Variants in PREX2 observed in about 807,000 individuals in gnomAD.
The protein encoded by PREX2 is phosphatidylinositol-3,4,5-trisphosphate dependent Rac exchange factor 2.
PREX2 carries 107 observed loss-of-function variants against 203.2 expected under a neutral mutation model. The ratio of observed to expected loss-of-function variants is 0.53; its 90% CI spans 0.45 to 0.62. The LOEUF (loss-of-function observed/expected upper bound fraction) is 0.62. PREX2 is among the 20% of genes least tolerant of loss of function. The pLI, the probability that PREX2 is intolerant of heterozygous loss-of-function variation, is 0.00. For synonymous variants in PREX2, 672 were observed against 663.6 expected, an observed-to-expected ratio of 1.01 and a Z score of -0.19; for missense variants, 1,777 against 1,955.9, an observed-to-expected ratio of 0.91 and a Z score of 1.72.
At chr8:68,021,736 C>A (rs909793939) in intron 3 of PREX2, among the ~76,000 whole-genome samples, 20 of 152,248 alleles carry the variant, frequency 1.3e-4, no homozygotes, top group Non-Finnish European at 2.6e-4. Context: ...TCTTTTTAAG[C>A]TGTAACTGAA....
chr8:68,157,413 C>A lies in PREX2; in HGVS notation c.4323C>A (p.Val1441=). 1.2e-6 allele frequency: 2 copies of A among 1,607,636 alleles called. No homozygotes were observed. Among genetic ancestry groups the A allele is most frequent in the African/African-American group, 2.7e-5 (2 of 74,828 alleles). The part of the protein sequence containing the change: ...AQINAASLEK[V]KQYNQKLRAF... ...TAAATGCAGCCTCACTGGAAAAGGT[C>A]AAACAGTACAACCAGAAGCTCAGGT... The change falls in exon 35 of 40, where the codon GTC becomes GTA. Residue 1441 remains valine (V), a synonymous_variant. Transcript: ENST00000288368.
At position 68,211,472 on chromosome 8, in the gene PREX2, G is replaced by T. The variant is rs563743397; in HGVS notation, c.4605-6144G>T. On this transcript the variant is annotated intron_variant, in intron 37 of 39. Transcript: ENST00000288368. ...CATAAGTTTTTCCAAATAATGTACTGCCCATAAAGAGGAGGCTCCTCTACA... is the reference window on the plus strand; with the variant it reads ...CATAAGTTTTTCCAAATAATGTACTTCCCATAAAGAGGAGGCTCCTCTACA... 1.8e-4 allele frequency among the ~76,000 whole-genome samples: 27 copies of T among 152,234 alleles called. No individual in the cohort carries two copies. In the East Asian group the frequency reaches 4.6e-3, roughly 26 times the overall value.
rs776294864 is a variant in PREX2 at position 68,099,676 on chromosome 8, T to C, written c.2554-6T>C. On this transcript the variant is annotated splice_region_variant and splice_polypyrimidine_tract_variant and intron_variant, in intron 22 of 39. Transcript: ENST00000288368. ...TGTGGGTGTGCGTGTGTGTTTGTCATTGCAGATTCTTGAAGCCCTGGCTAA... is the reference window on the plus strand; with the variant it reads ...TGTGGGTGTGCGTGTGTGTTTGTCACTGCAGATTCTTGAAGCCCTGGCTAA... 5 of 1,612,686 alleles carry C rather than the reference T, an allele frequency of 3.1e-6. No homozygotes were observed. In the South Asian group the frequency reaches 4.4e-5, roughly 14 times the overall value.
intron 11 of PREX2, among the ~76,000 whole-genome samples, chr8:68,061,283 G>T (rs1166861050): frequency 6.6e-6 from 1 of 152,182 alleles, no homozygotes; most frequent in East Asian, 1.9e-4. Flanking sequence ...GGGAGGTGTG[G>T]CAAAAAGGCA....
chr8:68,025,074 A>G (rs1807677409), intron 4 of PREX2, among the ~76,000 whole-genome samples: 1 of 151,954 alleles, frequency 6.6e-6, no homozygotes, highest in Admixed American at 6.6e-5. Context: ...TTATGTACAC[A>G]TTTACCATCT....
chr8:68,052,427 GT>G (rs1264803395), intron 8 of PREX2, among the ~76,000 whole-genome samples: 2 of 152,158 alleles, frequency 1.3e-5, no homozygotes, highest in Non-Finnish European at 2.9e-5. Context: ...TAAAATTATA[GT>G]GAGGTATCAA....
At chr8:68,176,602 A>G (rs1237988028) in intron 35 of PREX2, among the ~76,000 whole-genome samples, 1 of 152,176 alleles carries the variant, frequency 6.6e-6, no homozygotes, top group Non-Finnish European at 1.5e-5. Flanking sequence ...GATGCTTCAC[A>G]GACTGTCATG....
At chr8:68,157,521 A>C (rs1811564370) in intron 35 of PREX2, 85 bp downstream of exon 35, 1 of 584,730 alleles carries the variant, frequency 1.7e-6, no homozygotes, top group South Asian at 3.1e-5. Context: ...TATTTATCAT[A>C]TTAGATTATT....
At chr8:68,102,877 G>A in intron 23 of PREX2, 1 of 518,412 alleles carries the variant, frequency 1.9e-6, no homozygotes, top group Non-Finnish European at 3.9e-6. Flanking sequence ...TGATGACCTG[G>A]ATGAATCTTA....
chr8:68,101,505 G>T, intron 23 of PREX2: 1 of 515,992 alleles, frequency 1.9e-6, no homozygotes, highest in Non-Finnish European at 3.9e-6. Context: ...GTTTGGGGAA[G>T]ATTCCATGAA....
At chr8:68,009,136 CTTCA>C (rs199619593) in intron 1 of PREX2, among the ~76,000 whole-genome samples, 1,525 of 152,214 alleles carry the variant, frequency 0.01, 22 homozygotes, top group African/African-American at 0.034. Context: ...AGGTTGGGAT[CTTCA>C]TTCATTTCTC....
chr8:68,041,897 T>C (rs1454854382), intron 7 of PREX2, among the ~76,000 whole-genome samples: 1 of 152,120 alleles, frequency 6.6e-6, no homozygotes, highest in Non-Finnish European at 1.5e-5. Flanking sequence ...GTCTTATGAC[T>C]GGAATTGCAC....
intron 34 of PREX2, among the ~76,000 whole-genome samples, chr8:68,149,185 C>T (rs1811383692): frequency 2.6e-5 from 4 of 152,172 alleles, no homozygotes; most frequent in African/African-American, 9.7e-5. Flanking sequence ...GCAAATGCGT[C>T]ACCCCTTTCT....
intron 1 of PREX2, among the ~76,000 whole-genome samples, chr8:67,959,086 T>C (rs993112589): frequency 6.6e-6 from 1 of 152,104 alleles, no homozygotes; most frequent in Non-Finnish European, 1.5e-5. Context: ...AAAGGTAGGA[T>C]GTTGGAGAGT....
intron 1 of PREX2, among the ~76,000 whole-genome samples, chr8:67,978,595 C>T (rs1194316766): frequency 6.6e-6 from 1 of 152,144 alleles, no homozygotes; most frequent in Non-Finnish European, 1.5e-5. Flanking sequence ...TAATACGCTT[C>T]ATCCATTCTA....
At chr8:68,100,549 A>G (rs1411069367) in intron 23 of PREX2, among the ~76,000 whole-genome samples, 1 of 152,018 alleles carries the variant, frequency 6.6e-6, no homozygotes, top group Non-Finnish European at 1.5e-5. Context: ...GACAAGTAGA[A>G]CTCTCCCTTT....
chr8:68,066,000 G>A (rs892108318), intron 11 of PREX2, among the ~76,000 whole-genome samples: 1 of 152,094 alleles, frequency 6.6e-6, no homozygotes, highest in Non-Finnish European at 1.5e-5. Context: ...AAGCTAATTA[G>A]TGTATTAATC....
At chr8:68,114,097 C>A (rs76819362) in intron 25 of PREX2, among the ~76,000 whole-genome samples, 21 of 152,104 alleles carry the variant, frequency 1.4e-4, no homozygotes, top group African/African-American at 5.1e-4. Flanking sequence ...CCTGACCTCA[C>A]GTGATCCACC....
At chr8:67,971,868 A>T (rs981002281) in intron 1 of PREX2, among the ~76,000 whole-genome samples, 2 of 152,206 alleles carry the variant, frequency 1.3e-5, no homozygotes, top group Admixed American at 1.3e-4. Flanking sequence ...GTGGGAAAGG[A>T]AGTATGCTAC....
Sources: allele counts gnomAD v4.1 joint callset (sites outside exome capture counted in the v4.1 genomes callset), GRCh38; gene constraint gnomAD v4.1.1; transcripts MANE v1.5; gene names NCBI Gene and HGNC (gene_info 2026-07-23, HGNC 2026-07-21).